The following DPH7 variants were observed in gnomAD, a reference collection of about 807,000 sequenced individuals.
DPH7 encodes the protein diphthamide biosynthesis 7.
DPH7 carries 44 observed loss-of-function variants against 41.7 expected under a neutral mutation model. The ratio of observed to expected loss-of-function variants is 1.05; its 90% CI spans 0.83 to 1.36. The LOEUF (loss-of-function observed/expected upper bound fraction) is 1.36, where lower values mean the gene tolerates loss of function less well. Ranked by LOEUF, DPH7 falls within the 40% of genes most tolerant of loss-of-function variation. The pLI is 0.00. For missense variants in DPH7, 629 were observed against 577.5 expected, an observed-to-expected ratio of 1.09 and a Z score of -0.91; for synonymous variants, 275 against 238.0, an observed-to-expected ratio of 1.16 and a Z score of -1.43.
intron 7 of DPH7, 139 bp downstream of exon 7, chr9:137,564,754 C>A: frequency 7.0e-7 from 1 of 1,422,490 alleles, no homozygotes; most frequent in Non-Finnish European, 9.7e-7. Context: ...CATATACCTA[C>A]ACTCCGGCGA....
At chr9:137,557,279 G>A (rs1174978578) in intron 8 of DPH7, among the ~76,000 whole-genome samples, 3 of 152,102 alleles carry the variant, frequency 2.0e-5, no homozygotes, top group Non-Finnish European at 4.4e-5. Context: ...AAGCCAAGGC[G>A]GGTGGATCAC....
In DPH7 at chr9:137,564,448, C is replaced by A; in HGVS notation, c.935G>T (p.Cys312Phe). Residue 312 changes from cysteine (C) to phenylalanine (F), a missense_variant, in exon 8 of 9, where the codon TGC becomes TTC. Cys to Phe is a radical substitution (Grantham distance 205). Coordinates refer to ENST00000277540, the MANE Select transcript of DPH7 (RefSeq NM_138778.5). The part of the protein sequence containing the change: ...CMHSGFKILN[C>F]QKAMEERQEA... Reference sequence around the variant, plus strand: ...TCCCCACTCACCCATTGCCTTTTGGCAGTTGAGGATCTTAAAGCCACTGTG... The same window carrying A: ...TCCCCACTCACCCATTGCCTTTTGGAAGTTGAGGATCTTAAAGCCACTGTG... 6.2e-7 allele frequency: 1 copy of A among 1,613,200 alleles called. No homozygotes were observed. The highest frequency in any genetic ancestry group is 8.5e-7 in the Non-Finnish European group (1 of 1,179,520).
chr9:137,567,601 GGGTGACTCTGTCTGTGAGGAAGCTCCCCT>G (rs1839701871), intron 5 of DPH7, among the ~76,000 whole-genome samples: 2 of 3,624 alleles, frequency 5.5e-4, no homozygotes, highest in Non-Finnish European at 9.4e-4. Flanking sequence ...AAGCTCCCCT[GGGTGACTCTGTCTGTGAGGAAGCTCCCCT>G]GGGTGACTGT....
chr9:137,574,564 A>G (rs1013373977), intron 4 of DPH7, 184 bp from the exon 5 acceptor site: 1 of 824,530 alleles, frequency 1.2e-6, no homozygotes, highest in Non-Finnish European at 1.9e-6. Flanking sequence ...CGACTTCTCT[A>G]GGTAAAAACA....
intron 3 of DPH7, chr9:137,575,374 TC>T: frequency 2.0e-6 from 2 of 988,220 alleles, no homozygotes; most frequent in African/African-American, 3.5e-5. Context: ...CCATCCCTGC[TC>T]CCAGCAGGCT....
At position 137,578,419 on chromosome 9, in the gene DPH7, G is replaced by A. The variant is rs1342902167; in HGVS notation, c.153+206C>T. The A allele has an allele frequency of 2.2e-5, 11 of 502,488 alleles. No homozygotes were observed. In the East Asian group the frequency reaches 3.8e-4, roughly 17 times the overall value. 31.1% of individuals were successfully genotyped at this position (502,488 alleles called of 1,614,324 possible). A position where few individuals can be genotyped will look rare whatever the true frequency, so the allele number is the denominator to read the frequency against. ...CTGACCTCGTGATCCGTCCGCCTCG[G>A]CCTCCCAAAGTGCTGGGATTACAGG... On this transcript the variant is annotated intron_variant, in intron 1 of 8. Transcript: ENST00000277540.
rs1464440938 is a variant in DPH7 at position 137,574,488 on chromosome 9, T to C, written c.468-108A>G. The C allele has an allele frequency of 1.1e-5, 13 of 1,201,376 alleles. No homozygotes were observed. In the East Asian group the frequency reaches 2.0e-4, roughly 18 times the overall value. 74.4% of individuals were successfully genotyped at this position (1,201,376 alleles called of 1,614,324 possible). A position where few individuals can be genotyped will look rare whatever the true frequency, so the allele number is the denominator to read the frequency against. ...GGTCTCCACAGCCCTGGGATGCGGA[T>C]ATGCCCCTTAAGAGACTGGCGGCTA... On this transcript the variant is annotated intron_variant, in intron 4 of 8. Coordinates refer to ENST00000277540, the MANE Select transcript of DPH7 (RefSeq NM_138778.5).
chr9:137,559,277 G>C (rs985778783), intron 8 of DPH7, among the ~76,000 whole-genome samples: 1 of 152,202 alleles, frequency 6.6e-6, no homozygotes, highest in Admixed American at 6.5e-5. Flanking sequence ...GCCTGGACAG[G>C]GCCACCAGAG....
chr9:137,560,363 G>T (rs1380830070), intron 8 of DPH7, among the ~76,000 whole-genome samples: 1 of 152,140 alleles, frequency 6.6e-6, no homozygotes, highest in Admixed American at 6.5e-5. Context: ...AAAAACAGGT[G>T]GGGCAAGGAC....
At chr9:137,561,021 C>CAAAAA (rs869251490) in intron 8 of DPH7, among the ~76,000 whole-genome samples, 4 of 80,670 alleles carry the variant, frequency 5.0e-5, no homozygotes, top group East Asian at 4.9e-4. Flanking sequence ...GACCCCATCT[C>CAAAAA]AAAAAAAAAA....
intron 3 of DPH7, 89 bp downstream of exon 3, chr9:137,575,991 T>C: frequency 6.3e-7 from 1 of 1,590,088 alleles, no homozygotes; most frequent in South Asian, 1.1e-5. Flanking sequence ...GAGATCGTTT[T>C]AGAAAAATGT....
chr9:137,561,762 A>G (rs1838650847), intron 8 of DPH7, among the ~76,000 whole-genome samples: 2 of 152,230 alleles, frequency 1.3e-5, no homozygotes. Flanking sequence ...CAGAATTATA[A>G]ACATATATAA....
chr9:137,574,362 C>T lies in DPH7; in HGVS notation c.486G>A (p.Leu162=). 1 of 1,614,112 alleles carries T rather than the reference C, an allele frequency of 6.2e-7. No homozygotes were observed. The highest frequency in any genetic ancestry group is 1.7e-5 in the Admixed American group (1 of 60,028). The change falls in exon 5 of 9, where the codon TTG becomes TTA. Residue 162 remains leucine, a synonymous_variant. Transcript: ENST00000277540. ...GKTGRAGDQP[L]KIISSDSTGQ... ...CTGTGGAGTCACTGCTGATGATCTT[C>T]AAGGGCTGGTCCCCGGCCCTAGACA... is the stretch of plus-strand genomic sequence containing the variant.
chr9:137,574,275 C>T lies in DPH7; in HGVS notation c.573G>A (p.Trp191Ter), dbSNP rs201207355. 6 of 1,614,068 alleles carry T rather than the reference C, an allele frequency of 3.7e-6. No homozygotes were observed. Among genetic ancestry groups the T allele is most frequent in the Non-Finnish European group, 5.1e-6 (6 of 1,180,050 alleles). Residue 191 changes from tryptophan (W) to a stop codon, truncating the protein, a stop_gained, in exon 5 of 9, where the codon TGG (tryptophan) becomes TGA (stop). Transcript: ENST00000277540. LOFTEE classifies it high-confidence loss of function. ...TCCAGGCCTCGAATTGATGTGCCTG[C>T]CATGAGGCCACTTTCTGCAGCCTGG... ...TRPRLQKVAS[W>*]QAHQFEAWIA... is the part of the protein sequence containing the mutation.
In DPH7 at chr9:137,555,521, G is replaced by C; in HGVS notation, c.1077C>G (p.Asn359Lys). 6.2e-7 allele frequency: 1 copy of C among 1,614,074 alleles called. No individual in the cohort carries two copies. Among genetic ancestry groups the C allele is most frequent in the Non-Finnish European group, 8.5e-7 (1 of 1,180,020 alleles). ...QRAPSWSFPS[N>K]LGTKTADLKG... ...TCAGGTCTGCCGTCTTGGTTCCTAG[G>C]TTGCTAGGAAAGGACCACGAGGGGG... is the stretch of plus-strand genomic sequence containing the variant. The change falls in exon 9 of 9, where the codon AAC (asparagine) becomes AAG (lysine). Residue 359 changes from asparagine (N) to lysine (K), a missense_variant. Asn to Lys is a moderately conservative substitution (Grantham distance 94, BLOSUM62 0). Coordinates refer to ENST00000277540, the MANE Select transcript of DPH7 (RefSeq NM_138778.5).
At chr9:137,564,327 C>A (rs554930796) in intron 8 of DPH7, 107 bp downstream of exon 8, 76 of 1,386,734 alleles carry the variant, frequency 5.5e-5, no homozygotes, top group Admixed American at 1.0e-4. Flanking sequence ...GAGGGAAGAG[C>A]CCAGCAGAGC....
intron 5 of DPH7, among the ~76,000 whole-genome samples, chr9:137,572,641 C>T (rs1006541653): frequency 5.9e-5 from 9 of 152,260 alleles, no homozygotes; most frequent in Admixed American, 4.6e-4. Context: ...TTCTCAGAGA[C>T]CCGCCCCTCT....
At chr9:137,559,901 A>C (rs1399270698) in intron 8 of DPH7, among the ~76,000 whole-genome samples, 1 of 152,076 alleles carries the variant, frequency 6.6e-6, no homozygotes, top group African/African-American at 2.4e-5. Context: ...CTTTTCTTTT[A>C]TCTCTGTCTT....
chr9:137,558,809 A>G (rs1331996839), intron 8 of DPH7, among the ~76,000 whole-genome samples: 1 of 152,118 alleles, frequency 6.6e-6, no homozygotes, highest in Non-Finnish European at 1.5e-5. Flanking sequence ...ATCTCGGCTC[A>G]CTGCAACCTC....
Sources: allele counts gnomAD v4.1 joint callset (sites outside exome capture counted in the v4.1 genomes callset), GRCh38; gene constraint gnomAD v4.1.1; transcripts MANE v1.5; gene names NCBI Gene and HGNC (gene_info 2026-07-23, HGNC 2026-07-21).